MRTFB: variants seen among roughly 807,000 people sequenced by gnomAD.
The protein encoded by MRTFB is myocardin related transcription factor B.
In MRTFB, 29 loss-of-function variants were observed where a neutral mutation model predicts 104.2. That is an observed-to-expected ratio of 0.28 (90% CI 0.21 to 0.38). The LOEUF (loss-of-function observed/expected upper bound fraction) is 0.38. Ranked by LOEUF, MRTFB falls within the 10% of genes least tolerant of loss-of-function variation. The pLI, the probability that MRTFB is intolerant of heterozygous loss-of-function variation, is 1.00. For missense variants in MRTFB, 1,270 were observed against 1,341.6 expected (o/e 0.95, Z 0.83); for synonymous variants, 535 against 519.5 (o/e 1.03, Z -0.41).
chr16:14,021,424 TA>T, the MRTFB span, among the ~76,000 whole-genome samples: 1 of 152,308 alleles, frequency 6.6e-6, no homozygotes, highest in East Asian at 1.9e-4. Context: ...CTTCTTATTT[TA>T]AAAAATATAT....
At chr16:14,258,494 T>C (rs1323121329) in intron 16 of MRTFB, among the ~76,000 whole-genome samples, 3 of 151,994 alleles carry the variant, frequency 2.0e-5, no homozygotes, top group Admixed American at 1.3e-4. Flanking sequence ...TACTAGGAAG[T>C]TGAGGTAGGA....
rs142257886 is a variant in MRTFB, at chr16:14,227,272, G to C, written c.694-6874G>C. On this transcript the variant is annotated intron_variant, in intron 8 of 16. Coordinates refer to ENST00000571589, the MANE Select transcript of MRTFB (RefSeq NM_001308142.2). Reference sequence around the variant, plus strand: ...ACTGCATTAGTTCCCGTGAGAGCTTGTTGTTAAAAAAACAAAAACAAAACA... The same window carrying C: ...ACTGCATTAGTTCCCGTGAGAGCTTCTTGTTAAAAAAACAAAAACAAAACA... Among the ~76,000 whole-genome samples the C allele has an allele frequency of 5.1e-3, 752 of 147,122 alleles. 6 individuals are homozygous for C. The highest frequency in any genetic ancestry group is 0.019 in the African/African-American group (707 of 37,510).
intron 9 of MRTFB, among the ~76,000 whole-genome samples, chr16:14,239,772 G>A (rs1188040191): frequency 1.3e-5 from 2 of 152,152 alleles, no homozygotes; most frequent in East Asian, 3.8e-4. Flanking sequence ...ATTGCTTAAA[G>A]ATAGTTTATA....
intron 2 of MRTFB, among the ~76,000 whole-genome samples, chr16:14,106,746 A>G (rs1437553268): frequency 6.6e-6 from 1 of 152,150 alleles, no homozygotes; most frequent in African/African-American, 2.4e-5. Context: ...CTGGATGACA[A>G]ATCTTGTTTG....
the MRTFB span, among the ~76,000 whole-genome samples, chr16:14,018,412 C>T: frequency 6.6e-6 from 1 of 152,152 alleles, no homozygotes; most frequent in African/African-American, 2.4e-5. Flanking sequence ...CATCACCAAC[C>T]TCTTTATGAT....
At chr16:14,078,025 C>G (rs534155675) in intron 1 of MRTFB, among the ~76,000 whole-genome samples, 2 of 152,258 alleles carry the variant, frequency 1.3e-5, no homozygotes, top group Non-Finnish European at 2.9e-5. Context: ...TGGATGTACC[C>G]TAACAATGGT....
intron 3 of MRTFB, among the ~76,000 whole-genome samples, chr16:14,184,436 G>A (rs1011230280): frequency 6.6e-6 from 1 of 152,062 alleles, no homozygotes; most frequent in African/African-American, 2.4e-5. Flanking sequence ...TGGCCAGGCT[G>A]GTCTCAAACT....
At position 14,177,701 on chromosome 16, in the gene MRTFB, T is replaced by C. The variant is rs1471609053; in HGVS notation, c.155-32542T>C. Reference sequence around the variant, plus strand: ...AACTGGGCATGGTGGCATGAGCCTGTAGACCCAGCTACTGGGGAGGCTGAA... The same window carrying C: ...AACTGGGCATGGTGGCATGAGCCTGCAGACCCAGCTACTGGGGAGGCTGAA... On this transcript the variant is annotated intron_variant, in intron 3 of 16. Transcript: ENST00000571589. This position sits in a 1 kb window ranked among gnomAD's most constrained non-coding sequence, Gnocchi z 4.7. Among the ~76,000 whole-genome samples, 1 of 152,064 alleles carries C rather than the reference T, an allele frequency of 6.6e-6. No individual in the cohort carries two copies. The highest frequency in any genetic ancestry group is 1.9e-4 in the East Asian group (1 of 5,184).
intron 3 of MRTFB, among the ~76,000 whole-genome samples, chr16:14,170,624 A>G (rs1346196041): frequency 6.6e-6 from 1 of 152,174 alleles, no homozygotes; most frequent in Non-Finnish European, 1.5e-5. Flanking sequence ...TGTGAATACC[A>G]TTGCATATAA....
At chr16:14,222,874 A>C (rs543003320) in intron 8 of MRTFB, among the ~76,000 whole-genome samples, 2 of 152,102 alleles carry the variant, frequency 1.3e-5, no homozygotes, top group African/African-American at 4.8e-5. Context: ...TCACATGCCA[A>C]ATTTTCAACA....
chr16:14,048,665 A>T, the MRTFB span, among the ~76,000 whole-genome samples: 1 of 152,264 alleles, frequency 6.6e-6, no homozygotes, highest in Admixed American at 6.5e-5. Context: ...GAATCACATG[A>T]TCTGATTCAT....
At chr16:14,255,856 G>A (rs774739900) in intron 15 of MRTFB, among the ~76,000 whole-genome samples, 1 of 151,964 alleles carries the variant, frequency 6.6e-6, no homozygotes, top group Non-Finnish European at 1.5e-5. Flanking sequence ...TCTCACGCCT[G>A]TAATCTCAAC....
At chr16:14,004,076 G>T in the MRTFB span, among the ~76,000 whole-genome samples, 1 of 151,648 alleles carries the variant, frequency 6.6e-6, no homozygotes, top group Non-Finnish European at 1.5e-5. Context: ...GAGGACTGGT[G>T]GGAGGCAGGC....
intron 3 of MRTFB, among the ~76,000 whole-genome samples, chr16:14,162,189 CCA>C (rs1279303650): frequency 8.0e-5 from 12 of 150,848 alleles, no homozygotes; most frequent in African/African-American, 2.9e-4. Context: ...TTTTTAATAG[CCA>C]AGCATGGTGA....
intron 3 of MRTFB, among the ~76,000 whole-genome samples, chr16:14,209,718 A>G (rs765512785): frequency 1.3e-5 from 2 of 152,204 alleles, no homozygotes; most frequent in African/African-American, 4.8e-5. Context: ...TTGTGCAAAG[A>G]TTACTAAACT....
chr16:14,085,525 T>C (rs894114371), intron 2 of MRTFB, among the ~76,000 whole-genome samples: 14 of 151,720 alleles, frequency 9.2e-5, no homozygotes, highest in African/African-American at 3.4e-4. Flanking sequence ...TTTAATACTT[T>C]AATATTGATG....
chr16:14,244,362 T>G (rs1301330439), intron 10 of MRTFB, among the ~76,000 whole-genome samples: 2 of 152,216 alleles, frequency 1.3e-5, no homozygotes, highest in Non-Finnish European at 2.9e-5. Context: ...GTCTGTGTCT[T>G]TTGGCATACA....
At chr16:14,230,762 A>C (rs1386321135) in intron 8 of MRTFB, among the ~76,000 whole-genome samples, 2 of 152,100 alleles carry the variant, frequency 1.3e-5, no homozygotes, top group African/African-American at 4.8e-5. Flanking sequence ...ATACCATTTG[A>C]CCCGGCCATC....
chr16:13,997,792 C>CAAAAAAA, the MRTFB span, among the ~76,000 whole-genome samples: 7 of 90,738 alleles, frequency 7.7e-5, no homozygotes, highest in Admixed American at 1.4e-4. Context: ...GACCCTATCT[C>CAAAAAAA]AAAAAAAAAA....
Sources: gnomAD v4.1 joint callset for allele counts (sites outside exome capture counted in the v4.1 genomes callset) on GRCh38, gnomAD v4.1.1 for gene constraint, Gnocchi (gnomAD v3.1) non-coding constraint, MANE v1.5 for transcripts, NCBI Gene and HGNC (gene_info 2026-07-23, HGNC 2026-07-21) for gene names.